AGBL1: variants seen among roughly 807,000 people sequenced by gnomAD.
The protein encoded by AGBL1 is cytosolic carboxypeptidase 4.
A neutral mutation model predicts 118.9 loss-of-function variants in AGBL1; 130 were observed. That is an observed-to-expected ratio of 1.09 (90% CI 0.95 to 1.26). AGBL1 has a LOEUF of 1.26. AGBL1 is among the 50% of genes most tolerant of loss of function. The probability of loss-of-function intolerance (pLI) is 0.00; values close to 1 mark genes in which losing one functional copy is unlikely to be tolerated. For synonymous variants in AGBL1, 555 were observed against 478.9 expected, an observed-to-expected ratio of 1.16 and a Z score of -2.08; for missense variants, 1,584 against 1,298.1, an observed-to-expected ratio of 1.22 and a Z score of -3.38.
rs79142421 is a variant in AGBL1, at chr15:86,664,296, G to A, written c.2995-9977G>A. 1.1e-3 allele frequency among the ~76,000 whole-genome samples: 175 copies of A among 152,256 alleles called. 1 individual carries two copies. The highest frequency in any genetic ancestry group is 6.2e-3 in the East Asian group (32 of 5,166). ...GCATTAGAGTCCATTTGTTGGGGTC[G>A]ATAAGTGGAGAAGCCACAGAGCCCA... On this transcript the variant is annotated intron_variant, in intron 21 of 22. Transcript: ENST00000614907.
intron 22 of AGBL1, among the ~76,000 whole-genome samples, chr15:86,719,805 T>C (rs1477009772): frequency 6.6e-6 from 1 of 152,266 alleles, no homozygotes; most frequent in African/African-American, 2.4e-5. Context: ...GGTATTGATT[T>C]ATTTCTGTTA....
At chr15:86,665,936 C>G (rs1014026518) in intron 21 of AGBL1, among the ~76,000 whole-genome samples, 1 of 152,148 alleles carries the variant, frequency 6.6e-6, no homozygotes, top group Non-Finnish European at 1.5e-5. Context: ...TTTGATCTGC[C>G]TGCCATGTTT....
intron 5 of AGBL1, among the ~76,000 whole-genome samples, chr15:86,170,627 C>G (rs2077400613): frequency 6.6e-6 from 1 of 152,062 alleles, no homozygotes; most frequent in East Asian, 1.9e-4. Context: ...GGCAGATTGC[C>G]TGAGCTCAGG....
At chr15:86,621,393 A>C (rs907366344) in intron 21 of AGBL1, among the ~76,000 whole-genome samples, 1 of 152,174 alleles carries the variant, frequency 6.6e-6, no homozygotes, top group Admixed American at 6.5e-5. Context: ...AAAGAAATTT[A>C]TTGTCTCGCA....
chr15:86,428,534 A>G (rs1444578736), intron 18 of AGBL1, among the ~76,000 whole-genome samples: 1 of 152,230 alleles, frequency 6.6e-6, no homozygotes, highest in East Asian at 1.9e-4. Flanking sequence ...ATCCAGTAAA[A>G]GATATGCATT....
chr15:86,274,984 A>G (rs1404818438), intron 15 of AGBL1, among the ~76,000 whole-genome samples: 2 of 152,104 alleles, frequency 1.3e-5, no homozygotes, highest in Non-Finnish European at 2.9e-5. Context: ...GAAAATAAAA[A>G]ATGCCCCTCG....
intron 23 of AGBL1, among the ~76,000 whole-genome samples, chr15:86,944,648 C>T (rs966710817): frequency 1.3e-5 from 2 of 152,124 alleles, no homozygotes; most frequent in Admixed American, 6.5e-5. Context: ...TATGTAGTAC[C>T]TACATAAGTA....
At chr15:86,402,979 A>C (rs1697286106) in intron 18 of AGBL1, among the ~76,000 whole-genome samples, 2 of 152,200 alleles carry the variant, frequency 1.3e-5, no homozygotes, top group Non-Finnish European at 2.9e-5. Flanking sequence ...AGGAGGACTG[A>C]TCCAGCGGTT....
At chr15:86,400,490 G>GT (rs11412401) in intron 18 of AGBL1, among the ~76,000 whole-genome samples, 9,167 of 143,312 alleles carry the variant, frequency 0.064, 651 homozygotes, top group African/African-American at 0.18. Flanking sequence ...GGGGGAACAG[G>GT]TTTTTTTTTT....
intron 22 of AGBL1, among the ~76,000 whole-genome samples, chr15:86,788,944 G>C (rs1438992821): frequency 6.6e-6 from 1 of 152,216 alleles, no homozygotes; most frequent in Non-Finnish European, 1.5e-5. Flanking sequence ...CATAGAAAAA[G>C]AAGTAATGGG....
chr15:86,295,194 T>C (rs2079613849), intron 16 of AGBL1, 61 bp from the exon 17 acceptor site: 2 of 1,559,184 alleles, frequency 1.3e-6, no homozygotes, highest in African/African-American at 1.4e-5. Context: ...GTTGTTGTTT[T>C]CTATTATTGT....
chr15:86,554,642 A>C, intron 21 of AGBL1, 105 bp downstream of exon 21: 1 of 1,221,508 alleles, frequency 8.2e-7, no homozygotes, highest in Non-Finnish European at 1.1e-6. Context: ...AGAAGGCTCC[A>C]AGTAGAGTTT....
rs1896319963 is a variant in AGBL1 at position 86,095,646 on chromosome 15, C to CTTTTTTTTTTTTTTT, written c.51+15623_51+15624insTTTTTTTTTTTTTTT. On this transcript the variant is annotated intron_variant, in intron 1 of 22. Coordinates refer to ENST00000614907, the MANE Select transcript of AGBL1 (RefSeq NM_001386094.1). Reference sequence around the variant, plus strand: ...TCATAATGTCACATGACCTTGGATACCTTTTTTTTTTTTTTTTTTTTTTTT... The same window carrying CTTTTTTTTTTTTTTT: ...TCATAATGTCACATGACCTTGGATACTTTTTTTTTTTTTTTCTTTTTTTTTTTTTTTTTTTTTTTT... Among the ~76,000 whole-genome samples, 26 of 116,684 alleles carry CTTTTTTTTTTTTTTT rather than the reference C, an allele frequency of 2.2e-4. 12 individuals are homozygous for CTTTTTTTTTTTTTTT. The highest frequency in any genetic ancestry group is 2.5e-4 in the African/African-American group (8 of 31,940). 76.5% of individuals were successfully genotyped at this position (116,684 alleles called of 152,430 possible). A position where few individuals can be genotyped will look rare whatever the true frequency, so the allele number is the denominator to read the frequency against.
In AGBL1 at chr15:86,189,102, C is replaced by T. The variant is rs144848401; in HGVS notation, c.488+30076C>T. On this transcript the variant is annotated intron_variant, in intron 5 of 22. Transcript: ENST00000614907. ...GCAACCAAATTAAACAGAACTTTCT[C>T]AATTTCCTTACTAAATTTGTAATTT... Among the ~76,000 whole-genome samples the T allele has an allele frequency of 4.4e-4, 67 of 152,332 alleles. No individual in the cohort carries two copies. In the East Asian group the frequency reaches 0.012, roughly 27 times the overall value.
intron 18 of AGBL1, among the ~76,000 whole-genome samples, chr15:86,413,291 G>C (rs1437649633): frequency 2.0e-5 from 3 of 152,134 alleles, no homozygotes; most frequent in African/African-American, 7.2e-5. Context: ...TCCATTACAT[G>C]CAAGGATAAC....
chr15:86,849,517 C>CTTTTTTTTTTTTTTTTTT (rs68185029), intron 22 of AGBL1, among the ~76,000 whole-genome samples: 35 of 136,778 alleles, frequency 2.6e-4, no homozygotes, highest in Middle Eastern at 3.8e-3. Flanking sequence ...TTCTTTCTTT[C>CTTTTTTTTTTTTTTTTTT]TTTTTTTTTT....
intron 23 of AGBL1, among the ~76,000 whole-genome samples, chr15:86,986,497 A>C (rs2081283827): frequency 6.6e-6 from 1 of 152,142 alleles, no homozygotes; most frequent in Non-Finnish European, 1.5e-5. Flanking sequence ...GCCTTTTCAT[A>C]TAATATACAT....
intron 18 of AGBL1, among the ~76,000 whole-genome samples, chr15:86,521,894 G>C (rs1448721854): frequency 2.0e-5 from 3 of 152,130 alleles, no homozygotes; most frequent in Non-Finnish European, 4.4e-5. Flanking sequence ...ATGCTGTGCT[G>C]ATCCTCCCAA....
At chr15:86,574,312 C>T (rs1203720814) in intron 21 of AGBL1, among the ~76,000 whole-genome samples, 1 of 152,160 alleles carries the variant, frequency 6.6e-6, no homozygotes, top group Non-Finnish European at 1.5e-5. Context: ...CTTCTGCAGC[C>T]ACTCATCCAA....
Sources: gnomAD v4.1 joint callset for allele counts (sites outside exome capture counted in the v4.1 genomes callset) on GRCh38, gnomAD v4.1.1 for gene constraint, MANE v1.5 for transcripts, NCBI Gene and HGNC (gene_info 2026-07-23, HGNC 2026-07-21) for gene names.